MBOAT2: variants seen among roughly 807,000 people sequenced by gnomAD.
MBOAT2 encodes membrane bound glycerophospholipid O-acyltransferase 2.
A neutral mutation model predicts 63.4 loss-of-function variants in MBOAT2; 28 were observed. That is an observed-to-expected ratio of 0.44 (90% confidence interval 0.33 to 0.61). The LOEUF is 0.61. Among genes scored for constraint, MBOAT2 ranks in the 20% least tolerant of loss-of-function variants. MBOAT2 has a pLI of 0.03. For synonymous variants in MBOAT2, 211 were observed against 215.6 expected, an observed-to-expected ratio of 0.98 and a Z score of 0.19; for missense variants, 470 against 605.8, an observed-to-expected ratio of 0.78 and a Z score of 2.35.
intron 1 of MBOAT2, among the ~76,000 whole-genome samples, chr2:8,983,545 T>C (rs1671346656): frequency 6.6e-6 from 1 of 152,110 alleles, no homozygotes; most frequent in Non-Finnish European, 1.5e-5. Flanking sequence ...CTCAATTCAA[T>C]AAAGGGAGTG....
At chr2:8,951,640 C>T (rs1668843679) in intron 2 of MBOAT2, among the ~76,000 whole-genome samples, 1 of 152,292 alleles carries the variant, frequency 6.6e-6, no homozygotes, top group Non-Finnish European at 1.5e-5. Context: ...GTTTCAATTT[C>T]TTCCTGATTC....
chr2:8,890,406 G>A (rs1663905917), intron 4 of MBOAT2, among the ~76,000 whole-genome samples: 2 of 152,122 alleles, frequency 1.3e-5, no homozygotes, highest in South Asian at 4.1e-4. Flanking sequence ...CTCAGTGGTT[G>A]TTTTAAAATC....
intron 1 of MBOAT2, among the ~76,000 whole-genome samples, chr2:8,985,361 A>G (rs1671493289): frequency 6.6e-6 from 1 of 152,208 alleles, no homozygotes; most frequent in African/African-American, 2.4e-5. Context: ...TTCTGAAAAT[A>G]CATGGAATTC....
At chr2:8,916,242 C>T (rs887278410) in intron 3 of MBOAT2, among the ~76,000 whole-genome samples, 6 of 152,280 alleles carry the variant, frequency 3.9e-5, no homozygotes, top group East Asian at 1.9e-4. Flanking sequence ...CTTCCAGCTT[C>T]GAGAGGTAAC....
chr2:8,860,786 A>ATT (rs1406709844), intron 11 of MBOAT2, 22 bp from the exon 12 acceptor site: 1 of 1,529,656 alleles, frequency 6.5e-7, no homozygotes. Context: ...AAACAAAAAC[A>ATT]TTTGCTGTAT....
At chr2:8,979,030 T>C (rs1425633655) in intron 1 of MBOAT2, among the ~76,000 whole-genome samples, 1 of 152,156 alleles carries the variant, frequency 6.6e-6, no homozygotes, top group Non-Finnish European at 1.5e-5. Context: ...TCAACAGTGC[T>C]ACTAATTTTC....
At position 8,877,194 on chromosome 2, in the gene MBOAT2, C is replaced by T; in HGVS notation, c.526G>A (p.Glu176Lys). The T allele has an allele frequency of 1.9e-6, 3 of 1,611,726 alleles. No homozygotes were observed. Among genetic ancestry groups the T allele is most frequent in the Non-Finnish European group, 2.5e-6 (3 of 1,179,218 alleles). The change falls in exon 7 of 13, where the codon GAG becomes AAG. Residue 176 changes from glutamate (E) to lysine (K), a missense_variant. By Grantham distance (56) the Glu-to-Lys change is moderately conservative. Coordinates refer to ENST00000305997, the MANE Select transcript of MBOAT2 (RefSeq NM_138799.4). ...AAGTTACAGTTGTAACTCAAATACTCCAGTAAGCTTGGCATGCGCCTGCAA... is the reference window on the plus strand; with the variant it reads ...AAGTTACAGTTGTAACTCAAATACTTCAGTAAGCTTGGCATGCGCCTGCAA... Reference protein sequence around the residue: ...LAVRRMPSLLEYLSYNCNFMG... With the variant: ...LAVRRMPSLLKYLSYNCNFMG...
intron 8 of MBOAT2, among the ~76,000 whole-genome samples, chr2:8,872,381 G>A (rs996265686): frequency 1.8e-4 from 27 of 152,130 alleles, no homozygotes; most frequent in African/African-American, 5.3e-4. Flanking sequence ...AGGCTCAAGC[G>A]GTCCTCTCAC....
chr2:8,907,087 A>C (rs1293811582), intron 4 of MBOAT2, among the ~76,000 whole-genome samples: 3 of 152,246 alleles, frequency 2.0e-5, no homozygotes, highest in African/African-American at 7.2e-5. Context: ...ATCAACATTA[A>C]ACTAAATTAA....
At chr2:8,951,378 T>C (rs888923340) in intron 2 of MBOAT2, among the ~76,000 whole-genome samples, 41 of 152,156 alleles carry the variant, frequency 2.7e-4, no homozygotes, top group African/African-American at 8.7e-4. Context: ...CTAATTTTTG[T>C]GTTTTTAGTA....
chr2:8,988,647 T>C (rs1400810480), intron 1 of MBOAT2, among the ~76,000 whole-genome samples: 2 of 152,306 alleles, frequency 1.3e-5, no homozygotes, highest in African/African-American at 2.4e-5. Flanking sequence ...TTGTTTAGTA[T>C]GCCAACATTA....
intron 5 of MBOAT2, among the ~76,000 whole-genome samples, chr2:8,885,842 G>T (rs1165318409): frequency 6.6e-6 from 1 of 152,212 alleles, no homozygotes; most frequent in Non-Finnish European, 1.5e-5. Context: ...AACAGACACA[G>T]CTGTAGGTAA....
At chr2:8,968,989 G>A (rs1286982636) in intron 1 of MBOAT2, among the ~76,000 whole-genome samples, 1 of 152,156 alleles carries the variant, frequency 6.6e-6, no homozygotes, top group South Asian at 2.1e-4. Context: ...CCCCAACCTA[G>A]AAAGGCAGGC....
intron 5 of MBOAT2, 93 bp downstream of exon 5, chr2:8,887,925 A>T: frequency 8.8e-7 from 1 of 1,140,108 alleles, no homozygotes; most frequent in Non-Finnish European, 1.3e-6. Context: ...CCATTTCCTT[A>T]CTCTAATAGC....
chr2:8,989,314 G>T (rs1203496468), intron 1 of MBOAT2, among the ~76,000 whole-genome samples: 1 of 152,142 alleles, frequency 6.6e-6, no homozygotes, highest in East Asian at 1.9e-4. Context: ...TGAAGAAATG[G>T]TATTGTGGGC....
intron 2 of MBOAT2, among the ~76,000 whole-genome samples, chr2:8,944,101 G>C (rs62104439): frequency 0.049 from 7,462 of 152,218 alleles, 184 homozygotes; most frequent in Middle Eastern, 0.061. Context: ...CTGACCTCGT[G>C]ATCTGCCCAC....
intron 9 of MBOAT2, among the ~76,000 whole-genome samples, chr2:8,867,052 A>T (rs897822030): frequency 2.0e-5 from 3 of 152,028 alleles, no homozygotes; most frequent in Admixed American, 2.0e-4. Context: ...CTAGCAAAAC[A>T]ATGGTTTTCT....
At chr2:8,989,430 C>CA (rs935334271) in intron 1 of MBOAT2, among the ~76,000 whole-genome samples, 12 of 151,486 alleles carry the variant, frequency 7.9e-5, no homozygotes, top group African/African-American at 1.5e-4. Flanking sequence ...ACAATAGAGG[C>CA]AAAAAAAATC....
At chr2:8,861,681 C>T (rs958046401) in intron 11 of MBOAT2, among the ~76,000 whole-genome samples, 1 of 152,184 alleles carries the variant, frequency 6.6e-6, no homozygotes, top group Admixed American at 6.5e-5. Flanking sequence ...AGTCCAGATC[C>T]AAACACCTTC....
Sources: gnomAD v4.1 joint callset for allele counts (sites outside exome capture counted in the v4.1 genomes callset) on GRCh38, gnomAD v4.1.1 for gene constraint, MANE v1.5 for transcripts, NCBI Gene and HGNC (gene_info 2026-07-23, HGNC 2026-07-21) for gene names.